Variants in ACTN4 observed in about 807,000 individuals in gnomAD.
The protein encoded by ACTN4 is actinin alpha 4.
A neutral mutation model predicts 114.2 loss-of-function variants in ACTN4; 18 were observed. That is an observed-to-expected ratio of 0.16 (90% CI 0.11 to 0.23). The LOEUF (loss-of-function observed/expected upper bound fraction) is 0.23, where lower values mean the gene tolerates loss of function less well. ACTN4 is among the 10% of genes least tolerant of loss of function. The pLI, the probability that ACTN4 is intolerant of heterozygous loss-of-function variation, is 1.00. For synonymous variants in ACTN4, 515 were observed against 506.3 expected (o/e 1.02, Z -0.23); for missense variants, 722 against 1,262.9 (o/e 0.57, Z 6.49).
At chr19:38,666,506 C>T (rs1966965220) in intron 1 of ACTN4, among the ~76,000 whole-genome samples, 1 of 152,238 alleles carries the variant, frequency 6.6e-6, no homozygotes, top group African/African-American at 2.4e-5. Flanking sequence ...TGGAAAGTAA[C>T]TGCCTGAGTC....
intron 20 of ACTN4, 30 bp downstream of exon 20, chr19:38,729,184 G>A: frequency 6.2e-7 from 1 of 1,612,836 alleles, no homozygotes; most frequent in Non-Finnish European, 8.5e-7. Flanking sequence ...GGTGCATGGG[G>A]GCTGGCGAGA....
intron 12 of ACTN4, among the ~76,000 whole-genome samples, chr19:38,722,325 GAGGGGCAGC>G (rs1335680838): frequency 6.6e-6 from 1 of 152,144 alleles, no homozygotes; most frequent in Non-Finnish European, 1.5e-5. Context: ...ACAGGCCCTC[GAGGGGCAGC>G]AGGGCTCCCA....
chr19:38,728,428 CCTCCTCCTCCTCCTCCTCCT>C (rs1969329022), intron 19 of ACTN4: 1 of 1,000,582 alleles, frequency 1.0e-6, no homozygotes, highest in African/African-American at 2.9e-5. Context: ...TCCTCCTCCT[CCTCCTCCTCCTCCTCCTCCT>C]CCCCCCCACC....
intron 1 of ACTN4, among the ~76,000 whole-genome samples, chr19:38,674,652 C>T (rs745595564): frequency 4.3e-4 from 65 of 152,196 alleles, no homozygotes; most frequent in Non-Finnish European, 7.9e-4. Context: ...GGTGACGTGA[C>T]TTGCCCCAGG....
chr19:38,715,589 CA>C (rs1469918670), intron 9 of ACTN4, among the ~76,000 whole-genome samples: 3 of 152,194 alleles, frequency 2.0e-5, no homozygotes, highest in Admixed American at 6.5e-5. Flanking sequence ...TCTCATAGAC[CA>C]GGAAAATTTG....
At chr19:38,671,352 T>C (rs1967122277) in intron 1 of ACTN4, among the ~76,000 whole-genome samples, 1 of 152,244 alleles carries the variant, frequency 6.6e-6, no homozygotes, top group African/African-American at 2.4e-5. Context: ...GCAACACTTT[T>C]CTACAGAGGC....
At chr19:38,708,010 A>G (rs1241962295) in intron 5 of ACTN4, 107 bp from the exon 6 acceptor site, 3 of 1,163,888 alleles carry the variant, frequency 2.6e-6, no homozygotes, top group Non-Finnish European at 3.9e-6. Flanking sequence ...GGCACAGGCC[A>G]GACTGCAGTG....
At chr19:38,694,004 G>GC (rs541889043) in intron 1 of ACTN4, among the ~76,000 whole-genome samples, 158 of 152,314 alleles carry the variant, frequency 1.0e-3, no homozygotes, top group African/African-American at 3.6e-3. Context: ...CTGCCCGTGT[G>GC]CAGGGGCAAG....
intron 1 of ACTN4, among the ~76,000 whole-genome samples, chr19:38,697,290 C>T (rs1968127819): frequency 6.6e-6 from 1 of 152,240 alleles, no homozygotes; most frequent in Non-Finnish European, 1.5e-5. Flanking sequence ...CCCATTTTCC[C>T]TGCATACCAG....
chr19:38,659,065 C>CTTTTTTTTTTT (rs577141157), intron 1 of ACTN4, among the ~76,000 whole-genome samples: 3,987 of 111,186 alleles, frequency 0.036, 396 homozygotes, highest in East Asian at 0.21. Context: ...CTTTTCTTTT[C>CTTTTTTTTTTT]TTTTTTTTTT....
intron 19 of ACTN4, among the ~76,000 whole-genome samples, chr19:38,728,638 C>T (rs1969349032): frequency 6.6e-6 from 1 of 152,210 alleles, no homozygotes; most frequent in South Asian, 2.1e-4. Flanking sequence ...CTCCCACTCT[C>T]TCCCCTTTTT....
At chr19:38,673,625 A>G (rs1196607463) in intron 1 of ACTN4, among the ~76,000 whole-genome samples, 3 of 66,274 alleles carry the variant, frequency 4.5e-5, no homozygotes, top group Non-Finnish European at 9.8e-5. Context: ...ATTTATATAT[A>G]TTCATATATA....
At chr19:38,666,353 A>G (rs974026228) in intron 1 of ACTN4, among the ~76,000 whole-genome samples, 2 of 152,174 alleles carry the variant, frequency 1.3e-5, no homozygotes, top group African/African-American at 4.8e-5. Flanking sequence ...CGGAGTGACA[A>G]CCGATGGGGG....
intron 1 of ACTN4, among the ~76,000 whole-genome samples, chr19:38,676,195 A>G (rs570271520): frequency 1.3e-5 from 2 of 152,322 alleles, no homozygotes; most frequent in Non-Finnish European, 2.9e-5. Context: ...AACTAATGCC[A>G]TAGAGATGTC....
At chr19:38,707,054 G>A (rs1218639178) in intron 5 of ACTN4, among the ~76,000 whole-genome samples, 1 of 152,188 alleles carries the variant, frequency 6.6e-6, no homozygotes, top group East Asian at 1.9e-4. Flanking sequence ...GCACAGGAAT[G>A]AAGAGCAGGG....
chr19:38,656,371 C>T (rs1027567750), intron 1 of ACTN4, among the ~76,000 whole-genome samples: 5 of 152,140 alleles, frequency 3.3e-5, no homozygotes, highest in South Asian at 2.1e-4. Flanking sequence ...TGAGTCACCA[C>T]GCCCAGCCAA....
At chr19:38,649,909 C>T (rs1434698715) in intron 1 of ACTN4, among the ~76,000 whole-genome samples, 1 of 152,052 alleles carries the variant, frequency 6.6e-6, no homozygotes, top group African/African-American at 2.4e-5. Context: ...ATGGCAGTGG[C>T]TTGGTGGGAG....
intron 3 of ACTN4, among the ~76,000 whole-genome samples, chr19:38,703,687 C>T (rs1446337715): frequency 6.6e-6 from 1 of 152,196 alleles, no homozygotes; most frequent in Non-Finnish European, 1.5e-5. Flanking sequence ...GCAGCCCCGC[C>T]CTCACGAGGG....
In ACTN4 at chr19:38,680,221, T is replaced by TG. The variant is rs1472717354; in HGVS notation, c.163-20379_163-20378insG. Among the ~76,000 whole-genome samples, 149 of 23,366 alleles carry TG rather than the reference T, an allele frequency of 6.4e-3. 1 individual carries two copies. Among genetic ancestry groups the TG allele is most frequent in the African/African-American group, 0.012 (146 of 12,394 alleles). 15.3% of individuals were successfully genotyped at this position (23,366 alleles called of 152,430 possible). A position where few individuals can be genotyped will look rare whatever the true frequency, so the allele number is the denominator to read the frequency against. On this transcript the variant is annotated intron_variant, in intron 1 of 20. Coordinates refer to ENST00000252699, the MANE Select transcript of ACTN4 (RefSeq NM_004924.6). The stretch of plus-strand genomic sequence containing the variant: ...AGCTGGAGCTCAGGAAGTTTTTTTT[T>TG]TTTTTTTTTTTTTTTTTTTTTTTTA...
Sources: gnomAD v4.1 joint callset for allele counts (sites outside exome capture counted in the v4.1 genomes callset) on GRCh38, gnomAD v4.1.1 for gene constraint, MANE v1.5 for transcripts, NCBI Gene and HGNC (gene_info 2026-07-23, HGNC 2026-07-21) for gene names.